Variants in TMEM44 observed in about 807,000 individuals in gnomAD.
TMEM44 encodes the protein transmembrane protein 44.
A neutral mutation model predicts 47.8 loss-of-function variants in TMEM44; 43 were observed. The ratio of observed to expected loss-of-function variants is 0.90; its 90% CI spans 0.70 to 1.16. The LOEUF is 1.16. Ranked by LOEUF, TMEM44 falls within the 50% of genes most tolerant of loss-of-function variation. The pLI is 0.00. For synonymous variants in TMEM44, 277 were observed against 238.8 expected (o/e 1.16, Z -1.48); for missense variants, 568 against 555.2 (o/e 1.02, Z -0.23).
At chr3:194,616,725 C>T (rs1167085129) in intron 6 of TMEM44, 1 of 399,272 alleles carries the variant, frequency 2.5e-6, no homozygotes, top group Non-Finnish European at 5.0e-6. Flanking sequence ...CATTTTTAGT[C>T]TCCACTAAAA....
intron 5 of TMEM44, among the ~76,000 whole-genome samples, chr3:194,619,232 C>A (rs6778368): frequency 6.6e-6 from 1 of 152,276 alleles, no homozygotes; most frequent in Non-Finnish European, 1.5e-5. Context: ...AAATCAGTCC[C>A]TTCTCAGGGT....
chr3:194,609,205 A>G (rs1224757358), intron 8 of TMEM44, among the ~76,000 whole-genome samples: 1 of 152,150 alleles, frequency 6.6e-6, no homozygotes, highest in Non-Finnish European at 1.5e-5. Context: ...GTGACAGCTG[A>G]ATGGGCAGCT....
chr3:194,631,370 T>C (rs1717811178), intron 1 of TMEM44, among the ~76,000 whole-genome samples: 1 of 151,766 alleles, frequency 6.6e-6, no homozygotes, highest in South Asian at 2.1e-4. Context: ...GTGGTGCTCA[T>C]TCCACATCCT....
At chr3:194,589,656 G>C (rs937292235) in intron 9 of TMEM44, 1 of 152,194 alleles carries the variant, frequency 6.6e-6, no homozygotes, top group Non-Finnish European at 1.5e-5. Flanking sequence ...ATTTGCAGGG[G>C]TGAGTGACGG....
At chr3:194,626,682 T>C (rs1017663982) in intron 2 of TMEM44, among the ~76,000 whole-genome samples, 41 of 106,246 alleles carry the variant, frequency 3.9e-4, no homozygotes, top group African/African-American at 1.6e-3. Context: ...TGTAGTTAAG[T>C]TTTTTTTTTT....
chr3:194,628,524 G>C lies in TMEM44; in HGVS notation c.138-15C>G. 1 of 1,607,680 alleles carries C rather than the reference G, an allele frequency of 6.2e-7. No homozygotes were observed. The highest frequency in any genetic ancestry group is 2.2e-5 in the East Asian group (1 of 44,636). ...GATAGAGAAGCCTGGGGTGACAGGG[G>C]TGTGGACAGAACACAGCAACTGTGA... On this transcript the variant is annotated splice_polypyrimidine_tract_variant and intron_variant, in intron 1 of 9. Coordinates refer to ENST00000347147, the MANE Select transcript of TMEM44 (RefSeq NM_001011655.3).
chr3:194,621,661 G>A (rs949508807), intron 5 of TMEM44, among the ~76,000 whole-genome samples: 4 of 151,862 alleles, frequency 2.6e-5, no homozygotes, highest in Non-Finnish European at 5.9e-5. Flanking sequence ...CAACCCTCCA[G>A]CCCTGAATCC....
At chr3:194,602,610 A>AG (rs1408760513) in intron 9 of TMEM44, among the ~76,000 whole-genome samples, 1 of 151,562 alleles carries the variant, frequency 6.6e-6, no homozygotes, top group African/African-American at 2.4e-5. Flanking sequence ...CTCAAAAAAA[A>AG]AAAAGAAGGA....
At chr3:194,608,770 T>A (rs919072546) in intron 8 of TMEM44, among the ~76,000 whole-genome samples, 6 of 152,162 alleles carry the variant, frequency 3.9e-5, no homozygotes, top group African/African-American at 1.4e-4. Context: ...CTCGAACTCC[T>A]GGCCTCAAGC....
chr3:194,605,382 T>C (rs116355275), intron 8 of TMEM44, among the ~76,000 whole-genome samples: 5,038 of 152,288 alleles, frequency 0.033, 104 homozygotes, highest in Admixed American at 0.037. Context: ...TCTAATGTAT[T>C]AGTTTGTTTT....
intron 9 of TMEM44, among the ~76,000 whole-genome samples, chr3:194,598,724 C>A (rs1305390655): frequency 1.3e-5 from 2 of 152,246 alleles, no homozygotes; most frequent in South Asian, 4.1e-4. Context: ...CAATTCTCCA[C>A]TTCCCCTAGC....
chr3:194,589,158 CCTGG>C (rs1243019887), intron 9 of TMEM44: 1 of 154,474 alleles, frequency 6.5e-6, no homozygotes, highest in Non-Finnish European at 1.4e-5. Context: ...TACCACAATG[CCTGG>C]CTAAGTTTTT....
At chr3:194,612,213 G>A (rs933942411) in intron 7 of TMEM44, among the ~76,000 whole-genome samples, 1 of 152,054 alleles carries the variant, frequency 6.6e-6, no homozygotes, top group Non-Finnish European at 1.5e-5. Flanking sequence ...GACTCCAGAG[G>A]CTTCTACTTC....
At chr3:194,603,189 C>T (rs1190058221) in intron 9 of TMEM44, among the ~76,000 whole-genome samples, 1 of 152,220 alleles carries the variant, frequency 6.6e-6, no homozygotes, top group Non-Finnish European at 1.5e-5. Context: ...ACAGCTCAGA[C>T]CTGAGAGTTA....
At position 194,587,738 on chromosome 3, in the gene TMEM44, A is replaced by G. The variant is rs1712027023; in HGVS notation, c.*791T>C. On this transcript the variant is annotated 3_prime_UTR_variant, in exon 10 of 10. Transcript: ENST00000347147. ...TTCACTCCCACCTTAGCCCCATTCC[A>G]TGCGCCCTTACCCTTACTCATCGCA... 1.3e-5 allele frequency: 2 copies of G among 152,210 alleles called. No homozygotes were observed. Among genetic ancestry groups the G allele is most frequent in the South Asian group, 2.1e-4 (1 of 4,828 alleles). The allele number at this position is 152,210 out of a possible 1,614,324, so 9.4% of individuals were successfully genotyped here.
chr3:194,599,323 G>A (rs930723472), intron 9 of TMEM44, among the ~76,000 whole-genome samples: 2 of 152,094 alleles, frequency 1.3e-5, no homozygotes, highest in Non-Finnish European at 1.5e-5. Flanking sequence ...GGCAGAAAAT[G>A]TGCGCTGCAT....
chr3:194,608,714 G>T (rs80014732), intron 8 of TMEM44, among the ~76,000 whole-genome samples: 1,750 of 152,268 alleles, frequency 0.011, 57 homozygotes, highest in East Asian at 0.077. Context: ...AGACAGGAGT[G>T]AACAGGAGAC....
chr3:194,611,138 T>C lies in TMEM44; in HGVS notation c.913-118A>G. The C allele has an allele frequency of 1.3e-6, 1 of 771,304 alleles. No individual in the cohort carries two copies. 47.8% of individuals were successfully genotyped at this position (771,304 alleles called of 1,614,324 possible). A position where few individuals can be genotyped will look rare whatever the true frequency, so the allele number is the denominator to read the frequency against. ...CCGTGGTATTTTCTCTCTCTCTTTT[T>C]TAACGGCACGTCTCACTTTCTGCTT... On this transcript the variant is annotated intron_variant, in intron 7 of 9. Coordinates refer to ENST00000347147, the MANE Select transcript of TMEM44 (RefSeq NM_001011655.3). This position sits in a 1 kb window ranked among gnomAD's most constrained non-coding sequence, Gnocchi z 4.2.
At position 194,588,485 on chromosome 3, in the gene TMEM44, T is replaced by G; in HGVS notation, c.*44A>C. ...ATTCCCGCTGCGTTACTGAACGAAC[T>G]CCTGACCCTGGGCTCTGAGCTGATG... On this transcript the variant is annotated 3_prime_UTR_variant, in exon 10 of 10. Coordinates refer to ENST00000347147, the MANE Select transcript of TMEM44 (RefSeq NM_001011655.3). 1 of 1,577,108 alleles carries G rather than the reference T, an allele frequency of 6.3e-7. No individual in the cohort carries two copies. Among genetic ancestry groups the G allele is most frequent in the South Asian group, 1.1e-5 (1 of 90,288 alleles).
Sources: gnomAD v4.1 joint callset for allele counts (sites outside exome capture counted in the v4.1 genomes callset) on GRCh38, gnomAD v4.1.1 for gene constraint, Gnocchi (gnomAD v3.1) non-coding constraint, MANE v1.5 for transcripts, NCBI Gene and HGNC (gene_info 2026-07-23, HGNC 2026-07-21) for gene names.